The following RFC1 variants were observed in gnomAD, a reference collection of about 807,000 sequenced individuals.
The protein encoded by RFC1 is replication factor C subunit 1.
RFC1 carries 37 observed loss-of-function variants against 137.4 expected under a neutral mutation model. The ratio of observed to expected loss-of-function variants is 0.27; its 90% CI spans 0.21 to 0.35. RFC1 has a LOEUF of 0.35. Among genes scored for constraint, RFC1 ranks in the 10% least tolerant of loss-of-function variants. The probability of loss-of-function intolerance (pLI) is 1.00; values close to 1 mark genes in which losing one functional copy is unlikely to be tolerated. For missense variants in RFC1, 1,205 were observed against 1,358.5 expected, an observed-to-expected ratio of 0.89 and a Z score of 1.78; for synonymous variants, 429 against 455.7, an observed-to-expected ratio of 0.94 and a Z score of 0.75.
chr4:39,312,756 T>C lies in RFC1; in HGVS notation c.1379A>G (p.Asp460Gly), dbSNP rs565756189. ...MGRDSGQSKS[D>G]KAAALGTKII... ...TGAGAACAAAGCAGTACCCACCTTA[T>C]CACTCTTGGACTGTCCACTATCACG... The change falls in exon 11 of 25, where the codon GAT becomes GGT. Residue 460 changes from aspartate to glycine, a missense_variant. Physicochemically the swap from Asp to Gly is moderately conservative, Grantham distance 94 (BLOSUM62 -1). This residue lies in a region of RFC1 where 962 missense variants were observed against 1,035.3 expected (regional missense o/e 0.93). Coordinates refer to ENST00000349703, the MANE Select transcript of RFC1 (RefSeq NM_002913.5). 7 of 1,611,886 alleles carry C rather than the reference T, an allele frequency of 4.3e-6. No individual in the cohort carries two copies. The highest frequency in any genetic ancestry group is 5.9e-6 in the Non-Finnish European group (7 of 1,178,934).
chr4:39,306,469 C>A, intron 14 of RFC1, 123 bp downstream of exon 14: 8 of 545,772 alleles, frequency 1.5e-5, no homozygotes, highest in East Asian at 6.2e-5. Flanking sequence ...GAAAAATAAA[C>A]ACAGTTTATA....
chr4:39,339,105 T>C (rs1395367974), intron 4 of RFC1, among the ~76,000 whole-genome samples: 1 of 152,052 alleles, frequency 6.6e-6, no homozygotes, highest in African/African-American at 2.4e-5. Flanking sequence ...AGCCAAATAA[T>C]ATTCCATTAT....
At chr4:39,313,450 C>G (rs1351764360) in intron 10 of RFC1, among the ~76,000 whole-genome samples, 1 of 152,188 alleles carries the variant, frequency 6.6e-6, no homozygotes. Context: ...TCAAATACTT[C>G]TGATGCTTTT....
At chr4:39,339,402 G>A (rs1578153087) in intron 4 of RFC1, among the ~76,000 whole-genome samples, 1 of 152,082 alleles carries the variant, frequency 6.6e-6, no homozygotes, top group Admixed American at 6.6e-5. Context: ...CCTGAATAAC[G>A]TTTGTTATCC....
At chr4:39,303,503 G>T (rs965727997) in intron 15 of RFC1, among the ~76,000 whole-genome samples, 6 of 151,956 alleles carry the variant, frequency 3.9e-5, no homozygotes, top group African/African-American at 1.5e-4. Flanking sequence ...GCCCAAGCTG[G>T]AGTGCAATGG....
At chr4:39,298,477 A>C (rs1738157365) in intron 21 of RFC1, among the ~76,000 whole-genome samples, 1 of 152,218 alleles carries the variant, frequency 6.6e-6, no homozygotes, top group South Asian at 2.1e-4. Context: ...AAAAGTCAAA[A>C]AGAACGAATA....
At chr4:39,335,385 A>T (rs1326797247) in intron 4 of RFC1, among the ~76,000 whole-genome samples, 1 of 152,220 alleles carries the variant, frequency 6.6e-6, no homozygotes, top group African/African-American at 2.4e-5. Context: ...TATACATATC[A>T]GCATAAAATA....
intron 4 of RFC1, among the ~76,000 whole-genome samples, chr4:39,329,256 C>CT (rs1184752002): frequency 6.6e-6 from 1 of 151,074 alleles, no homozygotes; most frequent in Non-Finnish European, 1.5e-5. Flanking sequence ...CATCCCAGTA[C>CT]TTTGGGAGGC....
At chr4:39,289,396 C>G (rs574014487) in intron 24 of RFC1, among the ~76,000 whole-genome samples, 17 of 152,310 alleles carry the variant, frequency 1.1e-4, no homozygotes, top group Non-Finnish European at 1.2e-4. Flanking sequence ...AGATGAGGTT[C>G]CTTGGCTCAG....
At chr4:39,347,861 A>G (rs561967650) in intron 2 of RFC1, among the ~76,000 whole-genome samples, 3 of 152,334 alleles carry the variant, frequency 2.0e-5, no homozygotes, top group Admixed American at 2.0e-4. Context: ...GGAAATTGGA[A>G]GAAAGACAAT....
At chr4:39,309,111 G>C in intron 12 of RFC1, 79 bp from the exon 13 acceptor site, 1 of 1,438,740 alleles carries the variant, frequency 7.0e-7, no homozygotes, top group Non-Finnish European at 9.3e-7. Context: ...GTACTACAGA[G>C]AGCAATCAGA....
chr4:39,320,780 C>T (rs1739483113), intron 8 of RFC1, 111 bp from the exon 9 acceptor site: 1 of 1,001,394 alleles, frequency 1.0e-6, no homozygotes, highest in East Asian at 2.8e-5. Flanking sequence ...ACCCTGAAGG[C>T]CCAAAGTCCT....
At chr4:39,333,354 A>T (rs1740196681) in intron 4 of RFC1, among the ~76,000 whole-genome samples, 1 of 152,214 alleles carries the variant, frequency 6.6e-6, no homozygotes. Flanking sequence ...AACCTTAAAG[A>T]AGTTCATATC....
intron 4 of RFC1, among the ~76,000 whole-genome samples, chr4:39,328,472 T>C (rs1739898272): frequency 6.6e-6 from 1 of 152,168 alleles, no homozygotes; most frequent in African/African-American, 2.4e-5. Context: ...AGGGTACTCT[T>C]TGAGATAAGG....
chr4:39,339,823 A>G (rs1578153470), intron 4 of RFC1, among the ~76,000 whole-genome samples: 1 of 152,330 alleles, frequency 6.6e-6, no homozygotes, highest in African/African-American at 2.4e-5. Flanking sequence ...TTCCCATACG[A>G]GACCACACAA....
At chr4:39,334,998 A>G (rs1740283413) in intron 4 of RFC1, among the ~76,000 whole-genome samples, 1 of 152,194 alleles carries the variant, frequency 6.6e-6, no homozygotes, top group South Asian at 2.1e-4. Context: ...AAAAAGGAAA[A>G]AAGTCTAATT....
chr4:39,304,637 C>A (rs1327179711), intron 15 of RFC1, among the ~76,000 whole-genome samples, 177 bp downstream of exon 15: 1 of 152,124 alleles, frequency 6.6e-6, no homozygotes, highest in Non-Finnish European at 1.5e-5. Flanking sequence ...CTAAGACCTA[C>A]GAAAGGGTAA....
intron 1 of RFC1, among the ~76,000 whole-genome samples, chr4:39,362,710 T>C (rs1741819635): frequency 6.6e-6 from 1 of 152,126 alleles, no homozygotes; most frequent in African/African-American, 2.4e-5. Flanking sequence ...CTTCATGACC[T>C]TGGATTAGCA....
At chr4:39,337,373 T>C (rs1468146119) in intron 4 of RFC1, among the ~76,000 whole-genome samples, 2 of 122,056 alleles carry the variant, frequency 1.6e-5, no homozygotes, top group Non-Finnish European at 3.5e-5. Flanking sequence ...AAACTCCGTC[T>C]CAAAAAAAAA....
Sources: gnomAD v4.1 joint callset for allele counts (sites outside exome capture counted in the v4.1 genomes callset) on GRCh38, gnomAD v4.1.1 for gene constraint, gnomAD v4.1.1 regional missense constraint, MANE v1.5 for transcripts, NCBI Gene and HGNC (gene_info 2026-07-23, HGNC 2026-07-21) for gene names.